EDN3: variants seen among roughly 807,000 people sequenced by gnomAD.
The protein encoded by EDN3 is endothelin 3, also known as endothelin-3.
Under a neutral mutation model 21.4 loss-of-function variants are expected in EDN3, and 9 were observed. The observed-to-expected ratio is 0.42, with a 90% CI of 0.25 to 0.73. The LOEUF (loss-of-function observed/expected upper bound fraction) is 0.73, where lower values mean the gene tolerates loss of function less well. Among genes scored for constraint, EDN3 ranks in the 30% least tolerant of loss-of-function variants. The pLI is 0.26. For missense variants in EDN3, 327 were observed against 309.4 expected (o/e 1.06, Z -0.43); for synonymous variants, 133 against 126.2 (o/e 1.05, Z -0.36).
chr20:59,323,438 C>T (rs1990665903), intron 4 of EDN3, among the ~76,000 whole-genome samples: 1 of 152,228 alleles, frequency 6.6e-6, no homozygotes. Flanking sequence ...TCAGCAAAGA[C>T]TTGTTGGGCA....
intron 2 of EDN3, among the ~76,000 whole-genome samples, chr20:59,306,556 T>C (rs964699899): frequency 6.8e-6 from 1 of 147,190 alleles, no homozygotes; most frequent in African/African-American, 2.5e-5. Flanking sequence ...AGGAATGCCA[T>C]TTCTTTTGAG....
intron 2 of EDN3, among the ~76,000 whole-genome samples, chr20:59,314,488 G>C (rs71132): frequency 0.14 from 21,453 of 151,952 alleles, 4,333 homozygotes; most frequent in African/African-American, 0.45. Flanking sequence ...GAAAGGAGAG[G>C]TGTTAGGACA....
In EDN3 at chr20:59,301,665, A is replaced by C; in HGVS notation, c.308A>C (p.Lys103Thr). 6.2e-7 allele frequency: 1 copy of C among 1,614,204 alleles called. No individual in the cohort carries two copies. The highest frequency in any genetic ancestry group is 8.5e-7 in the Non-Finnish European group (1 of 1,180,024). Residue 103 changes from lysine to threonine, a missense_variant, in exon 2 of 5, where the codon AAG becomes ACG. Transcript: ENST00000337938. ...AGGCGCTGCACGTGCTTCACCTACA[A>C]GGACAAGGAGTGTGTCTACTATTGC... ...RSRRCTCFTY[K>T]DKECVYYCHL...
chr20:59,320,563 G>A (rs764667604), intron 2 of EDN3, among the ~76,000 whole-genome samples: 4 of 152,232 alleles, frequency 2.6e-5, no homozygotes, highest in Non-Finnish European at 5.9e-5. Context: ...TTCCAGAGCC[G>A]AGGAGCAGAA....
intron 2 of EDN3, among the ~76,000 whole-genome samples, chr20:59,313,573 C>G (rs187242241): frequency 6.6e-6 from 1 of 152,226 alleles, no homozygotes; most frequent in South Asian, 2.1e-4. Flanking sequence ...AATTAACCCA[C>G]AGCACATTGC....
At chr20:59,321,649 C>T (rs1020574901) in intron 3 of EDN3, among the ~76,000 whole-genome samples, 2 of 152,176 alleles carry the variant, frequency 1.3e-5, no homozygotes, top group Non-Finnish European at 2.9e-5. Context: ...GGTCTCAGAG[C>T]CCCCCTTCTC....
rs1419833783 is a variant in EDN3, at chr20:59,321,002, C to T, written c.366-15C>T. 2.5e-6 allele frequency: 4 copies of T among 1,614,176 alleles called. No homozygotes were observed. In the Admixed American group the frequency reaches 6.7e-5, roughly 27 times the overall value. ...GCCTGGGTGTGCTCACCTAACATTA[C>T]CCTGTGCTTTGCAGACAGACGGTGC... On this transcript the variant is annotated splice_polypyrimidine_tract_variant and intron_variant, in intron 2 of 4. Transcript: ENST00000337938.
rs1990628680 is a variant in EDN3 at position 59,322,763 on chromosome 20, G to A, written c.588+346G>A. On this transcript the variant is annotated intron_variant, in intron 4 of 4. Transcript: ENST00000337938. This position sits in a 1 kb window ranked among gnomAD's most constrained non-coding sequence, Gnocchi z 4.1. ...AGCTAGTCAACCACCGCTCTCAGAG[G>A]CCCTGTAGGCTGCTCTGCCCAGACC... 6.6e-6 allele frequency among the ~76,000 whole-genome samples: 1 copy of A among 152,148 alleles called. No homozygotes were observed. The highest frequency in any genetic ancestry group is 1.5e-5 in the Non-Finnish European group (1 of 68,032).
chr20:59,308,779 T>A (rs1001597527), intron 2 of EDN3, among the ~76,000 whole-genome samples: 1 of 152,122 alleles, frequency 6.6e-6, no homozygotes, highest in African/African-American at 2.4e-5. Flanking sequence ...AAACCAGTCC[T>A]CCTGCCATAT....
In EDN3 at chr20:59,325,679, G is replaced by T. The variant is rs1990798792; in HGVS notation, c.*1220G>T. The stretch of plus-strand genomic sequence containing the variant: ...CTATCATGAGGAAATGAAAGTGGCT[G>T]ATTTGCTGGTAGGATTTTGTACAGT... On this transcript the variant is annotated 3_prime_UTR_variant, in exon 5 of 5. Coordinates refer to ENST00000337938, the MANE Select transcript of EDN3 (RefSeq NM_207034.3). 6.6e-6 allele frequency: 1 copy of T among 152,224 alleles called. No individual in the cohort carries two copies. Among genetic ancestry groups the T allele is most frequent in the Non-Finnish European group, 1.5e-5 (1 of 68,038 alleles). 9.4% of individuals were successfully genotyped at this position (152,224 alleles called of 1,614,324 possible). A position where few individuals can be genotyped will look rare whatever the true frequency, so the allele number is the denominator to read the frequency against.
Position 59,321,044 on chromosome 20 carries a change from C to A in EDN3, c.393C>A (p.Asn131Lys), listed in dbSNP as rs777336048. 1 of 1,614,102 alleles carries A rather than the reference C, an allele frequency of 6.2e-7. No individual in the cohort carries two copies. Among genetic ancestry groups the A allele is most frequent in the Non-Finnish European group, 8.5e-7 (1 of 1,180,046 alleles). Residue 131 changes from asparagine (N) to lysine (K), a missense_variant, in exon 3 of 5, where the codon AAC (asparagine) becomes AAA (lysine). Coordinates refer to ENST00000337938, the MANE Select transcript of EDN3 (RefSeq NM_207034.3). ...PEQTVPYGLS[N>K]YRGSFRGKRS... ...AGACGGTGCCCTATGGACTGTCCAA[C>A]TACAGAGGAAGCTTCCGGGGCAAGA... is the stretch of plus-strand genomic sequence containing the variant.
At chr20:59,301,358 G>A (rs1046864385) in intron 1 of EDN3, 52 bp from the exon 2 acceptor site, 3 of 1,590,416 alleles carry the variant, frequency 1.9e-6, no homozygotes, top group African/African-American at 2.7e-5. Flanking sequence ...GGTGGCGGGT[G>A]TTGAGGGGTC....
chr20:59,320,176 G>A (rs1461089672), intron 2 of EDN3, among the ~76,000 whole-genome samples: 1 of 152,226 alleles, frequency 6.6e-6, no homozygotes, highest in African/African-American at 2.4e-5. Context: ...GCTCTTCTGA[G>A]GCTGGTTCCA....
At chr20:59,314,641 T>C (rs1049626389) in intron 2 of EDN3, among the ~76,000 whole-genome samples, 1 of 151,906 alleles carries the variant, frequency 6.6e-6, no homozygotes, top group Non-Finnish European at 1.5e-5. Flanking sequence ...CCAGTTTAGG[T>C]CTCCTGACCA....
At chr20:59,309,434 G>A (rs1989648483) in intron 2 of EDN3, among the ~76,000 whole-genome samples, 1 of 152,106 alleles carries the variant, frequency 6.6e-6, no homozygotes. Flanking sequence ...ACCTGAAGTG[G>A]GTGTCACCAA....
At chr20:59,304,583 A>T (rs190874587) in intron 2 of EDN3, among the ~76,000 whole-genome samples, 1 of 151,732 alleles carries the variant, frequency 6.6e-6, no homozygotes, top group African/African-American at 2.4e-5. Context: ...CAGAATCAAC[A>T]CTCCTAGTTG....
In EDN3 at chr20:59,322,495, T is replaced by A. The variant is rs771044530; in HGVS notation, c.588+78T>A. ...CATTCCTTCGGGGGTGGGTGGAGGG[T>A]GTTTTGAGGGGATGGCATCTGGTCT... is the stretch of plus-strand genomic sequence containing the variant. On this transcript the variant is annotated intron_variant, in intron 4 of 4. Coordinates refer to ENST00000337938, the MANE Select transcript of EDN3 (RefSeq NM_207034.3). This position sits in a 1 kb window ranked among gnomAD's most constrained non-coding sequence, Gnocchi z 4.1. The A allele has an allele frequency of 6.3e-7, 1 of 1,584,584 alleles. No individual in the cohort carries two copies. Among genetic ancestry groups the A allele is most frequent in the East Asian group, 2.2e-5 (1 of 44,616 alleles).
At position 59,300,675 on chromosome 20, in the gene EDN3, G is replaced by A. The variant is rs1988929934; in HGVS notation, c.-138G>A. 1 of 809,800 alleles carries A rather than the reference G, an allele frequency of 1.2e-6. No individual in the cohort carries two copies. The highest frequency in any genetic ancestry group is 1.7e-5 in the African/African-American group (1 of 58,006). The allele number at this position is 809,800 out of a possible 1,614,324, so 50.2% of individuals were successfully genotyped here. A position where few individuals can be genotyped will look rare whatever the true frequency, so the allele number is the denominator to read the frequency against. On this transcript the variant is annotated 5_prime_UTR_variant, in exon 1 of 5. Coordinates refer to ENST00000337938, the MANE Select transcript of EDN3 (RefSeq NM_207034.3). Reference sequence around the variant, plus strand: ...CCGCAGCCAACTCCTGGCCGGAGCTGGAGACGCAGCGAGCGATCGGCCGGC... The same window carrying A: ...CCGCAGCCAACTCCTGGCCGGAGCTAGAGACGCAGCGAGCGATCGGCCGGC...
chr20:59,318,712 G>A (rs923401041), intron 2 of EDN3, among the ~76,000 whole-genome samples: 3 of 152,222 alleles, frequency 2.0e-5, no homozygotes, highest in East Asian at 3.8e-4. Flanking sequence ...CTTGGCGGCC[G>A]GGGAAGTGCT....
Sources: allele counts gnomAD v4.1 joint callset (sites outside exome capture counted in the v4.1 genomes callset), GRCh38; gene constraint gnomAD v4.1.1; non-coding constraint Gnocchi (gnomAD v3.1); transcripts MANE v1.5; gene names NCBI Gene and HGNC (gene_info 2026-07-23, HGNC 2026-07-21).